Variants in UBAC2 observed in about 807,000 individuals in gnomAD.
UBAC2 encodes the protein UBA domain containing 2.
A neutral mutation model predicts 44.0 loss-of-function variants in UBAC2; 26 were observed. The observed-to-expected ratio is 0.59, with a 90% CI of 0.43 to 0.82. The LOEUF (loss-of-function observed/expected upper bound fraction) is 0.82, where lower values mean the gene tolerates loss of function less well. UBAC2 is among the 40% of genes least tolerant of loss of function. The probability of loss-of-function intolerance (pLI) is 0.00; values close to 1 mark genes in which losing one functional copy is unlikely to be tolerated. For missense variants in UBAC2, 329 were observed against 419.4 expected (o/e 0.78, Z 1.88); for synonymous variants, 155 against 154.3 (o/e 1.00, Z -0.04).
chr13:99,306,179 A>T (rs1193114015), intron 4 of UBAC2, among the ~76,000 whole-genome samples: 1 of 152,188 alleles, frequency 6.6e-6, no homozygotes, highest in African/African-American at 2.4e-5. Flanking sequence ...TACAGGAGTG[A>T]GCCACCACAC....
At chr13:99,326,541 T>A (rs1566504133) in intron 6 of UBAC2, among the ~76,000 whole-genome samples, 1 of 152,218 alleles carries the variant, frequency 6.6e-6, no homozygotes, top group Non-Finnish European at 1.5e-5. Context: ...TATCAAAAAA[T>A]AATTTCTGTA....
rs1383083055 is a variant in UBAC2, at chr13:99,336,278, T to C, written c.562-4042T>C. ...GAATTCTGAATACTTTCTTCAGGCC[T>C]CTTGTGTTTTCATTTCATTTATGGT... is the stretch of plus-strand genomic sequence containing the variant. On this transcript the variant is annotated intron_variant, in intron 6 of 8. Coordinates refer to ENST00000403766, the MANE Select transcript of UBAC2 (RefSeq NM_001144072.2). Among the ~76,000 whole-genome samples the C allele has an allele frequency of 2.0e-5, 3 of 152,244 alleles. No homozygotes were observed. The East Asian group carries it at 5.8e-4, about 29-fold the overall frequency.
intron 1 of UBAC2, chr13:99,215,638 T>C: frequency 7.4e-7 from 1 of 1,342,580 alleles, no homozygotes; most frequent in South Asian, 1.3e-5. Flanking sequence ...TGACCCGTCG[T>C]CCTAGATTTC....
Position 99,367,821 on chromosome 13 carries a change from C to T in UBAC2, c.842C>T (p.Pro281Leu). 6.2e-7 allele frequency: 1 copy of T among 1,613,936 alleles called. No individual in the cohort carries two copies. Among genetic ancestry groups the T allele is most frequent in the Non-Finnish European group, 8.5e-7 (1 of 1,179,844 alleles). Residue 281 changes from proline (P) to leucine (L), a missense_variant, in exon 8 of 9, where the codon CCT becomes CTT. Transcript: ENST00000403766. ...GMINWNRLFP[P>L]LRQRQNVNYQ... Reference sequence around the variant, plus strand: ...ATCAATTGGAATCGTCTTTTTCCTCCTTTACGTCAGCGACAAAACGTAAAC... The same window carrying T: ...ATCAATTGGAATCGTCTTTTTCCTCTTTTACGTCAGCGACAAAACGTAAAC...
intron 5 of UBAC2, 32 bp from the exon 6 acceptor site, chr13:99,317,990 A>C: frequency 6.3e-7 from 1 of 1,588,472 alleles, no homozygotes; most frequent in Non-Finnish European, 8.6e-7. Context: ...GTTGAATTTT[A>C]TTTTTAGTTG....
chr13:99,262,710 C>CAAAAAAAAAAAAAAAA (rs61627160), intron 4 of UBAC2, among the ~76,000 whole-genome samples: 16 of 57,164 alleles, frequency 2.8e-4, no homozygotes, highest in South Asian at 7.8e-4. Context: ...AACTCCCTCT[C>CAAAAAAAAAAAAAAAA]AAAAAAAAAA....
intron 4 of UBAC2, chr13:99,255,851 C>T (rs766645228): frequency 3.8e-6 from 6 of 1,589,806 alleles, no homozygotes; most frequent in Non-Finnish European, 4.3e-6. Context: ...ACAGGTTGAT[C>T]TTGATTGTTC....
chr13:99,312,114 G>T (rs1254902521), intron 4 of UBAC2, among the ~76,000 whole-genome samples: 2 of 152,208 alleles, frequency 1.3e-5, no homozygotes, highest in African/African-American at 4.8e-5. Context: ...TTTGTTTTGT[G>T]TGTGTTGTAT....
chr13:99,294,214 T>C (rs2044133448), intron 4 of UBAC2, among the ~76,000 whole-genome samples: 1 of 152,118 alleles, frequency 6.6e-6, no homozygotes, highest in Non-Finnish European at 1.5e-5. Flanking sequence ...TGTAGAGTAC[T>C]AACAGCTTGG....
chr13:99,201,479 G>A (rs2042798368), intron 1 of UBAC2: 3 of 1,614,246 alleles, frequency 1.9e-6, no homozygotes, highest in African/African-American at 1.3e-5. Context: ...GTGCTTTCAA[G>A]TGGAGGGAAG....
rs569095850 is a variant in UBAC2 at position 99,204,207 on chromosome 13, A to G, written c.31+3268A>G. Among the ~76,000 whole-genome samples, 27 of 152,222 alleles carry G rather than the reference A, an allele frequency of 1.8e-4. No individual in the cohort carries two copies. The South Asian group carries it at 2.7e-3, about 15-fold the overall frequency. Reference sequence around the variant, plus strand: ...GGAGTTCACTGTCTATTGGGGCAAAACTTTTTAAAAAAGAACGTTTGTCCT... The same window carrying G: ...GGAGTTCACTGTCTATTGGGGCAAAGCTTTTTAAAAAAGAACGTTTGTCCT... On this transcript the variant is annotated intron_variant, in intron 1 of 8. Coordinates refer to ENST00000403766, the MANE Select transcript of UBAC2 (RefSeq NM_001144072.2).
intron 1 of UBAC2, chr13:99,231,486 C>T (rs189848933): frequency 7.9e-6 from 1 of 127,120 alleles, no homozygotes; most frequent in East Asian, 2.5e-4. Context: ...GATCTCGGCT[C>T]ACTGCAGTCT....
chr13:99,306,741 CT>C (rs1218277031), intron 4 of UBAC2, among the ~76,000 whole-genome samples: 2 of 151,916 alleles, frequency 1.3e-5, no homozygotes, highest in Non-Finnish European at 2.9e-5. Flanking sequence ...ACACAACAGA[CT>C]TTTTTTTCAC....
chr13:99,283,005 G>C (rs1471241138), intron 4 of UBAC2, among the ~76,000 whole-genome samples: 1 of 152,182 alleles, frequency 6.6e-6, no homozygotes, highest in Non-Finnish European at 1.5e-5. Flanking sequence ...GTTTTGGCTG[G>C]ATTGTTAGTT....
At chr13:99,220,889 A>G (rs2043045851) in intron 1 of UBAC2, among the ~76,000 whole-genome samples, 3 of 152,182 alleles carry the variant, frequency 2.0e-5, no homozygotes, top group Middle Eastern at 6.8e-3. Context: ...TTTTTTGGTA[A>G]AAAATTAAGA....
chr13:99,326,756 C>A (rs897969791), intron 6 of UBAC2, among the ~76,000 whole-genome samples: 1 of 152,092 alleles, frequency 6.6e-6, no homozygotes, highest in South Asian at 2.1e-4. Flanking sequence ...GAGTCCAGCA[C>A]CTTACACTGC....
chr13:99,255,091 T>C, intron 4 of UBAC2: 2 of 1,613,958 alleles, frequency 1.2e-6, no homozygotes, highest in Admixed American at 1.7e-5. Flanking sequence ...GTAACTGTTC[T>C]CCCCCGTTCC....
At chr13:99,232,405 G>GATATATATATATATATATATATATAT (rs145868043) in intron 1 of UBAC2, among the ~76,000 whole-genome samples, 1 of 117,862 alleles carries the variant, frequency 8.5e-6, no homozygotes, top group African/African-American at 2.8e-5. Flanking sequence ...GAGAGATATA[G>GATATATATATATATATATATATATAT]ATATATATAT....
intron 8 of UBAC2, among the ~76,000 whole-genome samples, chr13:99,380,180 G>A (rs781158447): frequency 2.7e-4 from 41 of 152,222 alleles, no homozygotes; most frequent in Non-Finnish European, 5.3e-4. Flanking sequence ...TACTCAAAAA[G>A]TTTCAAATTC....
Sources: allele counts gnomAD v4.1 joint callset (sites outside exome capture counted in the v4.1 genomes callset), GRCh38; gene constraint gnomAD v4.1.1; transcripts MANE v1.5; gene names NCBI Gene and HGNC (gene_info 2026-07-23, HGNC 2026-07-21).